The following TLE3 variants were observed in gnomAD, a reference collection of about 807,000 sequenced individuals.
TLE3 encodes transducin-like enhancer protein 3.
In TLE3, 14 loss-of-function variants were observed where a neutral mutation model predicts 93.0. The ratio of observed to expected loss-of-function variants is 0.15; its 90% CI spans 0.10 to 0.24. The LOEUF (loss-of-function observed/expected upper bound fraction) is 0.24. Among genes scored for constraint, TLE3 ranks in the 10% least tolerant of loss-of-function variants. The pLI, the probability that TLE3 is intolerant of heterozygous loss-of-function variation, is 1.00. For synonymous variants in TLE3, 451 were observed against 425.0 expected (o/e 1.06, Z -0.75); for missense variants, 693 against 1,046.6 (o/e 0.66, Z 4.66).
At chr15:70,083,011 A>ACC (rs1356168717) in intron 4 of TLE3, among the ~76,000 whole-genome samples, 2 of 152,130 alleles carry the variant, frequency 1.3e-5, no homozygotes, top group African/African-American at 4.8e-5. Flanking sequence ...AGGCAACCCA[A>ACC]CCCCAGAAAC....
rs766647022 is a variant in TLE3, at chr15:70,051,418, C to T, written c.2175G>A (p.Arg725=). 12 of 1,610,424 alleles carry T rather than the reference C, an allele frequency of 7.5e-6. No individual in the cohort carries two copies. Among genetic ancestry groups the T allele is most frequent in the Non-Finnish European group, 9.3e-6 (11 of 1,178,388 alleles). The change falls in exon 19 of 20, where the codon AGG becomes AGA. Residue 725 remains arginine (R), a synonymous_variant. Transcript: ENST00000451782. The stretch of plus-strand genomic sequence containing the variant: ...GGAATATGCTGGCTCCATAAGGCGT[C>T]CTCCAGGCGTTGAGAAGGTTATCTT... ...TGKDNLLNAW[R]TPYGASIFQS...
At chr15:70,056,915 A>G (rs1214502559) in intron 13 of TLE3, among the ~76,000 whole-genome samples, 4 of 151,860 alleles carry the variant, frequency 2.6e-5, no homozygotes, top group Non-Finnish European at 2.9e-5. Flanking sequence ...CGCCCGGCTA[A>G]TTTTTGTATT....
At chr15:70,065,969 G>GGCCCCCCCCCGCCCCCCC in intron 7 of TLE3, 45 bp downstream of exon 7, 1 of 1,294,404 alleles carries the variant, frequency 7.7e-7, no homozygotes, top group Non-Finnish European at 1.1e-6. Flanking sequence ...GAGCGCCCAT[G>GGCCCCCCCCCGCCCCCCC]CCCACCCCTG....
chr15:70,057,083 G>GA (rs1357825806), intron 13 of TLE3, among the ~76,000 whole-genome samples: 1 of 152,198 alleles, frequency 6.6e-6, no homozygotes, highest in African/African-American at 2.4e-5. Context: ...CACCACAATA[G>GA]AAAGTCTTGT....
chr15:70,060,092 G>A (rs985250453), intron 9 of TLE3, among the ~76,000 whole-genome samples: 4 of 152,344 alleles, frequency 2.6e-5, no homozygotes, highest in Admixed American at 1.3e-4. Context: ...CACGTGCCGG[G>A]GGCATCCCAT....
rs934543168 is a variant in TLE3, at chr15:70,052,898, G to A, written c.1974+329C>T. On this transcript the variant is annotated intron_variant, in intron 17 of 19. Coordinates refer to ENST00000451782, the MANE Select transcript of TLE3 (RefSeq NM_001105192.3). ...GGGTTTATGGCTACGCCTTTTAGAG[G>A]GATCATTTCAGGTGCCCACATCAGA... The A allele has an allele frequency of 5.4e-5, 18 of 333,728 alleles. No homozygotes were observed. In the Admixed American group the frequency reaches 6.2e-4, roughly 11 times the overall value. 20.7% of individuals were successfully genotyped at this position (333,728 alleles called of 1,614,324 possible).
chr15:70,056,377 G>A lies in TLE3; in HGVS notation c.1252-3C>T, dbSNP rs1243646120. 1.9e-6 allele frequency: 3 copies of A among 1,612,312 alleles called. No individual in the cohort carries two copies. The highest frequency in any genetic ancestry group is 2.2e-5 in the South Asian group (2 of 91,056). ...GGGGGGTGAGGGTCAAAACCAACCT[G>A]TAAAGCAAGGCAAGACAGCCCTCCA... is the stretch of plus-strand genomic sequence containing the variant. On this transcript the variant is annotated splice_polypyrimidine_tract_variant and splice_region_variant and intron_variant, in intron 13 of 19. Coordinates refer to ENST00000451782, the MANE Select transcript of TLE3 (RefSeq NM_001105192.3).
chr15:70,095,329 A>G, intron 3 of TLE3: 1 of 1,408,570 alleles, frequency 7.1e-7, no homozygotes. Context: ...GCACATAAAG[A>G]TAGTACAGAA....
intron 17 of TLE3, 86 bp downstream of exon 17, chr15:70,053,141 T>G (rs1595859516): frequency 2.0e-6 from 3 of 1,491,320 alleles, no homozygotes; most frequent in Non-Finnish European, 2.7e-6. Flanking sequence ...TCTGTGAGGG[T>G]CCCTTTGTCC....
At chr15:70,077,720 G>A (rs1037833368) in intron 4 of TLE3, among the ~76,000 whole-genome samples, 11 of 152,218 alleles carry the variant, frequency 7.2e-5, no homozygotes, top group African/African-American at 2.4e-4. Flanking sequence ...GGCAGGGAGA[G>A]GATCAGGAAT....
intron 9 of TLE3, 45 bp downstream of exon 9, chr15:70,060,485 C>A: frequency 6.2e-7 from 1 of 1,610,228 alleles, no homozygotes; most frequent in South Asian, 1.1e-5. Flanking sequence ...ACCCCCTGCC[C>A]TACCCAACAG....
intron 6 of TLE3, among the ~76,000 whole-genome samples, chr15:70,071,603 G>A (rs1007911318): frequency 1.3e-5 from 2 of 152,274 alleles, no homozygotes; most frequent in Admixed American, 1.3e-4. Flanking sequence ...CAAATCCAAT[G>A]AGCAAGAGAG....
intron 4 of TLE3, among the ~76,000 whole-genome samples, chr15:70,080,557 A>G (rs2057721725): frequency 6.6e-6 from 1 of 152,206 alleles, no homozygotes; most frequent in Non-Finnish European, 1.5e-5. Context: ...CTCTGTCAAG[A>G]TTGTTAGGCA....
At chr15:70,057,161 C>G (rs1190588641) in intron 13 of TLE3, among the ~76,000 whole-genome samples, 1 of 152,218 alleles carries the variant, frequency 6.6e-6, no homozygotes, top group Non-Finnish European at 1.5e-5. Context: ...GATTCCTACC[C>G]CCCAGAGCTG....
In TLE3 at chr15:70,076,657, C is replaced by A. The variant is rs557157604; in HGVS notation, c.235-499G>T. Among the ~76,000 whole-genome samples the A allele has an allele frequency of 3.3e-5, 5 of 152,288 alleles. No individual in the cohort carries two copies. The South Asian group carries it at 8.3e-4, about 25-fold the overall frequency. ...TTCCCTGGGACTAGCCTCTCCCTCA[C>A]CAAGATCAATCCCTCCCCCACATAT... On this transcript the variant is annotated intron_variant, in intron 4 of 19. Coordinates refer to ENST00000451782, the MANE Select transcript of TLE3 (RefSeq NM_001105192.3).
chr15:70,052,941 ATTATT>A, intron 17 of TLE3: 1 of 420,648 alleles, frequency 2.4e-6, no homozygotes, highest in South Asian at 3.9e-5. Flanking sequence ...GGGTGCTACT[ATTATT>A]TCCATCTTGT....
Position 70,088,012 on chromosome 15 carries a change from G to A in TLE3, c.234+6520C>T, listed in dbSNP as rs373967864. 8.5e-5 allele frequency among the ~76,000 whole-genome samples: 13 copies of A among 152,214 alleles called. No homozygotes were observed. The South Asian group carries it at 2.3e-3, about 27-fold the overall frequency. Reference sequence around the variant, plus strand: ...ACGGGCCTCTTGGGCCATCAACTCTGCAGCAAACAGCCTCCTAGAATCTGA... The same window carrying A: ...ACGGGCCTCTTGGGCCATCAACTCTACAGCAAACAGCCTCCTAGAATCTGA... On this transcript the variant is annotated intron_variant, in intron 4 of 19. Coordinates refer to ENST00000451782, the MANE Select transcript of TLE3 (RefSeq NM_001105192.3).
At chr15:70,082,449 G>A (rs1344721241) in intron 4 of TLE3, among the ~76,000 whole-genome samples, 1 of 152,160 alleles carries the variant, frequency 6.6e-6, no homozygotes, top group Non-Finnish European at 1.5e-5. Flanking sequence ...GTCAACAAAT[G>A]ATCTATGCAG....
chr15:70,072,139 TCA>T (rs1209281713), intron 6 of TLE3, among the ~76,000 whole-genome samples: 1 of 151,952 alleles, frequency 6.6e-6, no homozygotes, highest in Non-Finnish European at 1.5e-5. Flanking sequence ...AAAATGGGGG[TCA>T]CAGGCCCCAC....
Sources: allele counts gnomAD v4.1 joint callset (sites outside exome capture counted in the v4.1 genomes callset), GRCh38; gene constraint gnomAD v4.1.1; transcripts MANE v1.5; gene names NCBI Gene and HGNC (gene_info 2026-07-23, HGNC 2026-07-21).